The following MACROD2 variants were observed in gnomAD, a reference collection of about 807,000 sequenced individuals.
MACROD2 encodes mono-ADP ribosylhydrolase 2, also known as ADP-ribose glycohydrolase MACROD2.
A neutral mutation model predicts 70.4 loss-of-function variants in MACROD2; 36 were observed. The observed-to-expected ratio is 0.51, with a 90% CI of 0.39 to 0.68. The LOEUF is 0.68. Ranked by LOEUF, MACROD2 falls within the 30% of genes least tolerant of loss-of-function variation. MACROD2 has a pLI of 0.00. For synonymous variants in MACROD2, 172 were observed against 178.8 expected (o/e 0.96, Z 0.30); for missense variants, 496 against 538.4 (o/e 0.92, Z 0.78).
chr20:15,615,607 A>G (rs138949980), intron 8 of MACROD2, among the ~76,000 whole-genome samples: 186 of 152,208 alleles, frequency 1.2e-3, no homozygotes, highest in Non-Finnish European at 2.1e-3. Flanking sequence ...GTATGAGCAG[A>G]AGAGGCCAGC....
At chr20:14,404,392 T>C (rs2083670762) in intron 3 of MACROD2, among the ~76,000 whole-genome samples, 1 of 152,136 alleles carries the variant, frequency 6.6e-6, no homozygotes, top group African/African-American at 2.4e-5. Flanking sequence ...TTTGGAAGGC[T>C]GAGGTCGGCA....
At chr20:14,363,816 C>CAAAAAAAAAA (rs569929488) in intron 3 of MACROD2, among the ~76,000 whole-genome samples, 20 of 71,560 alleles carry the variant, frequency 2.8e-4, no homozygotes, top group African/African-American at 1.1e-3. Context: ...GACTCTGTCT[C>CAAAAAAAAAA]AAAAAAAAAA....
chr20:15,473,828 A>ATGTTTTTCAT (rs2046989406), intron 7 of MACROD2, among the ~76,000 whole-genome samples: 1 of 152,168 alleles, frequency 6.6e-6, no homozygotes, highest in African/African-American at 2.4e-5. Context: ...TTTACTAATC[A>ATGTTTTTCAT]GATTTGCATG....
chr20:14,709,864 A>G (rs1417314504), intron 5 of MACROD2, among the ~76,000 whole-genome samples: 1 of 152,216 alleles, frequency 6.6e-6, no homozygotes, highest in Admixed American at 6.5e-5. Context: ...CCTCTTTCTG[A>G]AGTTGAAGTT....
At chr20:15,695,411 C>CTTT (rs375119900) in intron 8 of MACROD2, among the ~76,000 whole-genome samples, 1 of 115,278 alleles carries the variant, frequency 8.7e-6, no homozygotes, top group African/African-American at 3.0e-5. Context: ...TCTTCTTCTT[C>CTTT]TTTTTTTTTT....
chr20:15,869,790 T>C (rs550937457), intron 9 of MACROD2, among the ~76,000 whole-genome samples: 1 of 152,226 alleles, frequency 6.6e-6, no homozygotes, highest in African/African-American at 2.4e-5. Flanking sequence ...GAGAATTATA[T>C]CTCGGGAACT....
intron 8 of MACROD2, among the ~76,000 whole-genome samples, chr20:15,673,053 T>TA (rs1301106271): frequency 6.6e-6 from 1 of 152,184 alleles, no homozygotes; most frequent in Admixed American, 6.5e-5. Flanking sequence ...ATGAGTCCAT[T>TA]AAACCTCTTT....
At chr20:14,533,430 T>C (rs1444115192) in intron 4 of MACROD2, among the ~76,000 whole-genome samples, 2 of 152,232 alleles carry the variant, frequency 1.3e-5, no homozygotes, top group East Asian at 1.9e-4. Context: ...CTTATGATTA[T>C]ACATTTTTAG....
chr20:15,786,012 A>G (rs1406169549), intron 8 of MACROD2, among the ~76,000 whole-genome samples: 1 of 152,172 alleles, frequency 6.6e-6, no homozygotes, highest in Non-Finnish European at 1.5e-5. Flanking sequence ...AAAACAAGCG[A>G]TCGAAGAATA....
chr20:14,279,775 G>T (rs1311503322), intron 3 of MACROD2, among the ~76,000 whole-genome samples: 1 of 152,156 alleles, frequency 6.6e-6, no homozygotes, highest in East Asian at 1.9e-4. Flanking sequence ...TGAAAGCATA[G>T]ATTTTTTTCT....
intron 7 of MACROD2, among the ~76,000 whole-genome samples, chr20:15,494,094 T>C (rs933619634): frequency 1.3e-5 from 2 of 152,238 alleles, no homozygotes; most frequent in African/African-American, 4.8e-5. Flanking sequence ...TTATAAAAAG[T>C]ATTGACTAGC....
At position 15,999,723 on chromosome 20, in the gene MACROD2, C is replaced by A. The variant is rs142866260; in HGVS notation, c.1153+12565C>A. ...ATTGATTCCTTTATTATTACAATGA[C>A]CTTTTCTAGTCTCTTGTGACTATTT... On this transcript the variant is annotated intron_variant, in intron 15 of 17. Transcript: ENST00000684519. 5.3e-5 allele frequency among the ~76,000 whole-genome samples: 8 copies of A among 152,248 alleles called. No homozygotes were observed. In the East Asian group the frequency reaches 1.5e-3, roughly 29 times the overall value.
intron 5 of MACROD2, among the ~76,000 whole-genome samples, chr20:15,112,017 C>T (rs982038528): frequency 1.3e-5 from 2 of 152,200 alleles, no homozygotes; most frequent in Non-Finnish European, 2.9e-5. Flanking sequence ...CCAGAGTTCA[C>T]AGGGCCAGGA....
Position 14,833,222 on chromosome 20 carries a change from C to T in MACROD2, c.418+148263C>T, listed in dbSNP as rs147271214. ...GTTTATCACTAACTCTCATTCCATA[C>T]GTGGGGCTTATGGGGCTGTGGGTGT... On this transcript the variant is annotated intron_variant, in intron 5 of 17. Transcript: ENST00000684519. 1.1e-3 allele frequency among the ~76,000 whole-genome samples: 175 copies of T among 152,248 alleles called. 1 individual carries two copies. Among genetic ancestry groups the T allele is most frequent in the African/African-American group, 3.8e-3 (157 of 41,556 alleles).
intron 2 of MACROD2, among the ~76,000 whole-genome samples, chr20:14,066,897 T>C (rs62209486): frequency 0.29 from 43,238 of 146,982 alleles, 6,755 homozygotes; most frequent in African/African-American, 0.39. Context: ...CTGCAAGCTC[T>C]GCCTCCTGGG....
chr20:14,108,105 G>A (rs1420515815), intron 3 of MACROD2, among the ~76,000 whole-genome samples: 1 of 151,838 alleles, frequency 6.6e-6, no homozygotes, highest in Non-Finnish European at 1.5e-5. Context: ...ACAACAAAAA[G>A]TTAAAAAGTG....
chr20:14,354,371 TA>T (rs2083152724), intron 3 of MACROD2, among the ~76,000 whole-genome samples: 1 of 152,188 alleles, frequency 6.6e-6, no homozygotes, highest in South Asian at 2.1e-4. Flanking sequence ...TTTTATAACT[TA>T]AATATTTGTT....
chr20:16,021,616 A>G lies in MACROD2; in HGVS notation c.1154-19585A>G, dbSNP rs553071807. ...ATTCATACTGAAATAATAGCTGTTC[A>G]TAATTGGTTATTATGAGCCTAACAC... is the stretch of plus-strand genomic sequence containing the variant. On this transcript the variant is annotated intron_variant, in intron 15 of 17. Transcript: ENST00000684519. Among the ~76,000 whole-genome samples, 6 of 152,306 alleles carry G rather than the reference A, an allele frequency of 3.9e-5. No individual in the cohort carries two copies. The East Asian group carries it at 1.2e-3, about 29-fold the overall frequency.
At chr20:14,369,300 T>TC (rs397818078) in intron 3 of MACROD2, among the ~76,000 whole-genome samples, 1 of 151,698 alleles carries the variant, frequency 6.6e-6, no homozygotes, top group Non-Finnish European at 1.5e-5. Flanking sequence ...TGTAGTTTTT[T>TC]GCGAGTAAGA....
Sources: allele counts gnomAD v4.1 joint callset (sites outside exome capture counted in the v4.1 genomes callset), GRCh38; gene constraint gnomAD v4.1.1; transcripts MANE v1.5; gene names NCBI Gene and HGNC (gene_info 2026-07-23, HGNC 2026-07-21).